The following ACSM5 variants were observed in gnomAD, a reference collection of about 807,000 sequenced individuals.
ACSM5 encodes acyl-CoA synthetase medium chain family member 5, also known as acyl-coenzyme A synthetase ACSM5, mitochondrial.
In ACSM5, 56 loss-of-function variants were observed where a neutral mutation model predicts 71.6. The ratio of observed to expected loss-of-function variants is 0.78; its 90% confidence interval spans 0.63 to 0.98. The LOEUF (loss-of-function observed/expected upper bound fraction) is 0.98. Among genes scored for constraint, ACSM5 ranks in the 50% least tolerant of loss-of-function variants. The pLI is 0.00. For synonymous variants in ACSM5, 285 were observed against 281.5 expected (o/e 1.01, Z -0.12); for missense variants, 723 against 726.0 (o/e 1.00, Z 0.05).
intron 7 of ACSM5, among the ~76,000 whole-genome samples, chr16:20,428,283 C>T (rs1038150598): frequency 9.2e-5 from 14 of 152,178 alleles, no homozygotes; most frequent in Non-Finnish European, 1.3e-4. Context: ...GGAGTGGGGT[C>T]TGTGGCCAGG....
At chr16:20,435,318 C>A (rs1170672956) in intron 10 of ACSM5, among the ~76,000 whole-genome samples, 1 of 152,252 alleles carries the variant, frequency 6.6e-6, no homozygotes, top group African/African-American at 2.4e-5. Flanking sequence ...TAGGCATGAG[C>A]CACTGCACCA....
chr16:20,437,482 G>A (rs1967226544), intron 12 of ACSM5, 115 bp downstream of exon 12: 1 of 845,018 alleles, frequency 1.2e-6, no homozygotes, highest in Non-Finnish European at 1.9e-6. Flanking sequence ...GTGCCACAAA[G>A]TTGAAATGCC....
At chr16:20,428,021 C>A (rs114588253) in intron 7 of ACSM5, among the ~76,000 whole-genome samples, 154 bp downstream of exon 7, 4,652 of 152,280 alleles carry the variant, frequency 0.031, 228 homozygotes, top group African/African-American at 0.1. Flanking sequence ...CTCTCTCTCA[C>A]ACACACATTT....
chr16:20,434,491 C>G (rs1967156940), intron 10 of ACSM5, among the ~76,000 whole-genome samples: 1 of 152,066 alleles, frequency 6.6e-6, no homozygotes, highest in South Asian at 2.1e-4. Flanking sequence ...GTCAGGAGTT[C>G]GAGACCAGCC....
At chr16:20,422,848 A>C (rs1966904729) in intron 5 of ACSM5, among the ~76,000 whole-genome samples, 1 of 152,162 alleles carries the variant, frequency 6.6e-6, no homozygotes, top group Non-Finnish European at 1.5e-5. Context: ...GTGGAATGAG[A>C]AGGAGGAGTC....
chr16:20,428,666 T>C (rs1967036175), intron 7 of ACSM5, among the ~76,000 whole-genome samples: 1 of 152,190 alleles, frequency 6.6e-6, no homozygotes, highest in African/African-American at 2.4e-5. Context: ...TGAATTCTTC[T>C]CCAATGTAAG....
chr16:20,420,193 C>G (rs1348128676), intron 4 of ACSM5, among the ~76,000 whole-genome samples: 1 of 152,208 alleles, frequency 6.6e-6, no homozygotes, highest in Admixed American at 6.5e-5. Context: ...CCCCACAGAC[C>G]AGCTGCATCA....
chr16:20,422,150 T>C (rs888594919), intron 5 of ACSM5, among the ~76,000 whole-genome samples: 2 of 152,188 alleles, frequency 1.3e-5, no homozygotes, highest in Non-Finnish European at 2.9e-5. Context: ...TTTGCTCTTT[T>C]GCCCAGGCTG....
In ACSM5 at chr16:20,411,756, C is replaced by T; in HGVS notation, c.204+68C>T. 6 of 1,500,292 alleles carry T rather than the reference C, an allele frequency of 4.0e-6. No homozygotes were observed. In the South Asian group the frequency reaches 6.9e-5, roughly 17 times the overall value. 92.9% of individuals were successfully genotyped at this position (1,500,292 alleles called of 1,614,324 possible). A position where few individuals can be genotyped will look rare whatever the true frequency, so the allele number is the denominator to read the frequency against. ...GCTGCCCTCATGTACCACAATGAGACTCAAGGCTCCAAGCATGTTGATGAG... is the reference window on the plus strand; with the variant it reads ...GCTGCCCTCATGTACCACAATGAGATTCAAGGCTCCAAGCATGTTGATGAG... On this transcript the variant is annotated intron_variant, in intron 2 of 13. Transcript: ENST00000331849.
rs771811390 is a variant in ACSM5, at chr16:20,419,376, C to T, written c.564C>T (p.Thr188=). 7.4e-6 allele frequency: 12 copies of T among 1,614,200 alleles called. No individual in the cohort carries two copies. The highest frequency in any genetic ancestry group is 1.0e-5 in the Non-Finnish European group (12 of 1,180,026). Residue 188 remains threonine (T), a synonymous_variant, in exon 4 of 14, where the codon ACC becomes ACT. Transcript: ENST00000331849. The stretch of plus-strand genomic sequence containing the variant: ...GTGCCGAATGCCCCTCCCTCCAGAC[C>T]AAGCTGCTGGTGTCAGACAGCAGTC... ...AISAECPSLQ[T]KLLVSDSSRP...
chr16:20,427,756 A>T (rs1440032016), intron 6 of ACSM5, 32 bp from the exon 7 acceptor site: 1 of 1,467,146 alleles, frequency 6.8e-7, no homozygotes, highest in Non-Finnish European at 9.6e-7. Context: ...CAATGATTCT[A>T]AGGACATCTT....
chr16:20,417,920 A>G (rs1596612551), intron 2 of ACSM5, 139 bp from the exon 3 acceptor site: 1 of 827,224 alleles, frequency 1.2e-6, no homozygotes, highest in Admixed American at 2.8e-5. Flanking sequence ...AGCCTTTTCA[A>G]TGCATGTCTT....
chr16:20,437,056 A>G lies in ACSM5; in HGVS notation c.1313A>G (p.Asn438Ser), dbSNP rs1175519525. ...CGGGTTGTCTTTGTCTTTCAGGACAATCCTGAGAAGACAGCTGCATCAGAA... is the reference window on the plus strand; with the variant it reads ...CGGGTTGTCTTTGTCTTTCAGGACAGTCCTGAGAAGACAGCTGCATCAGAA... ...PFCFFNCYLD[N>S]PEKTAASEQG... The change falls in exon 11 of 14, where the codon AAT (asparagine) becomes AGT (serine). Residue 438 changes from asparagine (N) to serine (S), a missense_variant. Physicochemically the swap from Asn to Ser is conservative, Grantham distance 46. Coordinates refer to ENST00000331849, the MANE Select transcript of ACSM5 (RefSeq NM_017888.3). The G allele has an allele frequency of 3.7e-6, 6 of 1,614,090 alleles. No homozygotes were observed. Among genetic ancestry groups the G allele is most frequent in the Non-Finnish European group, 5.1e-6 (6 of 1,180,012 alleles).
rs761131750 is a variant in ACSM5, at chr16:20,419,488, G to A, written c.623+53G>A. Reference sequence around the variant, plus strand: ...AAAAATGAAGTCATTTCCCCTTTAAGCAACAAAAGATGAAATGCATTGCTG... The same window carrying A: ...AAAAATGAAGTCATTTCCCCTTTAAACAACAAAAGATGAAATGCATTGCTG... On this transcript the variant is annotated intron_variant, in intron 4 of 13. Coordinates refer to ENST00000331849, the MANE Select transcript of ACSM5 (RefSeq NM_017888.3). 3 of 1,561,326 alleles carry A rather than the reference G, an allele frequency of 1.9e-6. No homozygotes were observed. The South Asian group carries it at 3.4e-5, about 18-fold the overall frequency.
chr16:20,411,722 G>A, intron 2 of ACSM5, 34 bp downstream of exon 2: 1 of 1,602,232 alleles, frequency 6.2e-7, no homozygotes, highest in Non-Finnish European at 8.5e-7. Context: ...TCCATCTGGG[G>A]CATCTGAGGC....
Position 20,430,985 on chromosome 16 carries a change from C to G in ACSM5, c.1126-8C>G, listed in dbSNP as rs377327417. Reference sequence around the variant, plus strand: ...GGCTCTTCTTTATCTGTACTGCGTTCTCCCCAGGTTGTCATCTGTGCCAAT... The same window carrying G: ...GGCTCTTCTTTATCTGTACTGCGTTGTCCCCAGGTTGTCATCTGTGCCAAT... On this transcript the variant is annotated splice_polypyrimidine_tract_variant and splice_region_variant and intron_variant, in intron 8 of 13. Transcript: ENST00000331849. 6.2e-7 allele frequency: 1 copy of G among 1,609,142 alleles called. No individual in the cohort carries two copies. Among genetic ancestry groups the G allele is most frequent in the South Asian group, 1.1e-5 (1 of 90,214 alleles).
At chr16:20,425,868 A>G (rs1293619196) in intron 6 of ACSM5, among the ~76,000 whole-genome samples, 5 of 152,012 alleles carry the variant, frequency 3.3e-5, no homozygotes, top group African/African-American at 1.2e-4. Context: ...CATTTTTGCA[A>G]TTGCAAACTG....
intron 8 of ACSM5, 69 bp from the exon 9 acceptor site, chr16:20,430,924 A>G (rs1967083027): frequency 2.6e-6 from 3 of 1,162,780 alleles, no homozygotes; most frequent in Non-Finnish European, 3.7e-6. Context: ...GCAGGGTGAG[A>G]GAAAGGCATG....
At position 20,421,347 on chromosome 16, in the gene ACSM5, A is replaced by G. The variant is rs759280466; in HGVS notation, c.713A>G (p.Lys238Arg). Residue 238 changes from lysine to arginine, a missense_variant, in exon 5 of 14, where the codon AAG becomes AGG. Physicochemically the swap from Lys to Arg is conservative, Grantham distance 26. Coordinates refer to ENST00000331849, the MANE Select transcript of ACSM5 (RefSeq NM_017888.3). ...YFTSGTTGAP[K>R]MVEHSQSSYG... is the part of the protein sequence containing the mutation. ...ACCAGCGGAACCACCGGGGCCCCCA[A>G]GATGGTCGAGCACTCCCAGAGCAGC... 7 of 1,609,612 alleles carry G rather than the reference A, an allele frequency of 4.3e-6. No homozygotes were observed. The highest frequency in any genetic ancestry group is 1.7e-5 in the Admixed American group (1 of 59,534).
Sources: allele counts gnomAD v4.1 joint callset (sites outside exome capture counted in the v4.1 genomes callset), GRCh38; gene constraint gnomAD v4.1.1; transcripts MANE v1.5; gene names NCBI Gene and HGNC (gene_info 2026-07-23, HGNC 2026-07-21).